The following SLC24A3 variants were observed in gnomAD, a reference collection of about 807,000 sequenced individuals.
The protein encoded by SLC24A3 is sodium/potassium/calcium exchanger 3.
In SLC24A3, 28 loss-of-function variants were observed where a neutral mutation model predicts 75.8. The ratio of observed to expected loss-of-function variants is 0.37; its 90% CI spans 0.27 to 0.51. The LOEUF (loss-of-function observed/expected upper bound fraction) is 0.51, where lower values mean the gene tolerates loss of function less well. Among genes scored for constraint, SLC24A3 ranks in the 20% least tolerant of loss-of-function variants. The pLI, the probability that SLC24A3 is intolerant of heterozygous loss-of-function variation, is 0.94. For synonymous variants in SLC24A3, 372 were observed against 334.1 expected, an observed-to-expected ratio of 1.11 and a Z score of -1.24; for missense variants, 663 against 847.8, an observed-to-expected ratio of 0.78 and a Z score of 2.71.
intron 3 of SLC24A3, among the ~76,000 whole-genome samples, chr20:19,516,244 TC>T (rs2029985766): frequency 6.6e-6 from 1 of 152,206 alleles, no homozygotes; most frequent in Non-Finnish European, 1.5e-5. Context: ...GGTCCTCTTG[TC>T]CCCATTTGGA....
At chr20:19,410,516 T>C (rs561875120) in intron 2 of SLC24A3, among the ~76,000 whole-genome samples, 2 of 152,166 alleles carry the variant, frequency 1.3e-5, no homozygotes, top group African/African-American at 4.8e-5. Context: ...ACAATAAGTA[T>C]GTATCAGATC....
chr20:19,610,881 C>T (rs971391731), intron 6 of SLC24A3, among the ~76,000 whole-genome samples: 26 of 152,316 alleles, frequency 1.7e-4, no homozygotes, highest in African/African-American at 5.8e-4. Context: ...GCTCGGGCCA[C>T]CAGGGCACTT....
intron 2 of SLC24A3, among the ~76,000 whole-genome samples, chr20:19,513,485 C>G (rs1391542138): frequency 6.6e-6 from 1 of 152,234 alleles, no homozygotes; most frequent in African/African-American, 2.4e-5. Flanking sequence ...TGTCATCCCT[C>G]TGCCCCTCAC....
chr20:19,334,598 C>T (rs752338921), intron 2 of SLC24A3, among the ~76,000 whole-genome samples: 5 of 152,084 alleles, frequency 3.3e-5, no homozygotes, highest in Non-Finnish European at 5.9e-5. Context: ...TTGTGAACTA[C>T]CAGTGAAGTT....
At chr20:19,609,146 G>C (rs2031638759) in intron 6 of SLC24A3, among the ~76,000 whole-genome samples, 1 of 152,146 alleles carries the variant, frequency 6.6e-6, no homozygotes, top group African/African-American at 2.4e-5. Flanking sequence ...TGGAAAACTT[G>C]ATGAAACTCT....
At chr20:19,676,805 T>C (rs964512051) in intron 9 of SLC24A3, among the ~76,000 whole-genome samples, 4 of 152,318 alleles carry the variant, frequency 2.6e-5, no homozygotes, top group Non-Finnish European at 5.9e-5. Context: ...CCCAGGTCAC[T>C]GCTCTAGGAT....
At chr20:19,648,164 G>A (rs1011206353) in intron 6 of SLC24A3, among the ~76,000 whole-genome samples, 1 of 152,166 alleles carries the variant, frequency 6.6e-6, no homozygotes, top group South Asian at 2.1e-4. Context: ...TGCCCTGTGG[G>A]AGGAAAAACC....
At chr20:19,585,224 AG>A (rs2031278567) in intron 5 of SLC24A3, among the ~76,000 whole-genome samples, 169 bp downstream of exon 5, 1 of 152,140 alleles carries the variant, frequency 6.6e-6, no homozygotes, top group African/African-American at 2.4e-5. Flanking sequence ...GTTTTATTTA[AG>A]TGATGCTTTT....
chr20:19,338,164 A>T (rs760770219), intron 2 of SLC24A3, among the ~76,000 whole-genome samples: 1 of 152,220 alleles, frequency 6.6e-6, no homozygotes, highest in Non-Finnish European at 1.5e-5. Flanking sequence ...AGAAGCTATT[A>T]AATAAAGCTT....
intron 9 of SLC24A3, among the ~76,000 whole-genome samples, chr20:19,681,075 G>C (rs920354034): frequency 6.6e-6 from 1 of 152,162 alleles, no homozygotes; most frequent in Non-Finnish European, 1.5e-5. Flanking sequence ...AGTTTTCTAG[G>C]ATTCCTCTGT....
chr20:19,223,331 T>C (rs1453699046), intron 1 of SLC24A3, among the ~76,000 whole-genome samples: 1 of 152,146 alleles, frequency 6.6e-6, no homozygotes, highest in Non-Finnish European at 1.5e-5. Flanking sequence ...CAGAGACATC[T>C]CTTACACATT....
intron 2 of SLC24A3, among the ~76,000 whole-genome samples, chr20:19,456,670 A>G (rs1056944060): frequency 6.6e-6 from 1 of 152,230 alleles, no homozygotes; most frequent in South Asian, 2.1e-4. Context: ...CCAGGCTGTC[A>G]CTTCACTGCC....
chr20:19,684,234 A>G lies in SLC24A3; in HGVS notation c.960A>G (p.Pro320=), dbSNP rs2032647238. 6.2e-7 allele frequency: 1 copy of G among 1,614,040 alleles called. No individual in the cohort carries two copies. Among genetic ancestry groups the G allele is most frequent in the Non-Finnish European group, 8.5e-7 (1 of 1,180,032 alleles). ...TAGACGAGCTGCTGTCAGCCTACCC[A>G]CACCAGCTTTCCTTCTCTGAGGCTG... is the stretch of plus-strand genomic sequence containing the variant. ...IMVDELLSAY[P]HQLSFSEAGL... The change falls in exon 11 of 17, where the codon CCA becomes CCG. Residue 320 remains proline (P), a synonymous_variant. Coordinates refer to ENST00000328041, the MANE Select transcript of SLC24A3 (RefSeq NM_020689.4).
chr20:19,448,642 C>T (rs1041820510), intron 2 of SLC24A3, among the ~76,000 whole-genome samples: 2 of 152,218 alleles, frequency 1.3e-5, no homozygotes, highest in African/African-American at 4.8e-5. Context: ...ACAGTCATGG[C>T]TGGAGGTATG....
rs140552207 is a variant in SLC24A3, at chr20:19,669,639, A to G, written c.713+3750A>G. Among the ~76,000 whole-genome samples, 873 of 152,324 alleles carry G rather than the reference A, an allele frequency of 5.7e-3. 8 individuals carry two copies. The highest frequency in any genetic ancestry group is 0.019 in the African/African-American group (805 of 41,574). On this transcript the variant is annotated intron_variant, in intron 8 of 16. Transcript: ENST00000328041. Reference sequence around the variant, plus strand: ...AGTCTGAAGGCCCAACAAGAAAACTAAAGAACGCAGGGCGATGGTTTGGTT... The same window carrying G: ...AGTCTGAAGGCCCAACAAGAAAACTGAAGAACGCAGGGCGATGGTTTGGTT...
intron 1 of SLC24A3, among the ~76,000 whole-genome samples, chr20:19,268,646 A>G (rs1015523243): frequency 2.0e-5 from 3 of 152,230 alleles, no homozygotes; most frequent in Non-Finnish European, 4.4e-5. Flanking sequence ...TTCTGCTATC[A>G]TAAGTCCATG....
At chr20:19,622,032 A>C (rs1022685484) in intron 6 of SLC24A3, among the ~76,000 whole-genome samples, 3 of 152,130 alleles carry the variant, frequency 2.0e-5, no homozygotes, top group Admixed American at 1.3e-4. Context: ...GGTTCTGAGG[A>C]GCTCTCCTTA....
At position 19,473,501 on chromosome 20, in the gene SLC24A3, G is replaced by A. The variant is rs917661951; in HGVS notation, c.272-41987G>A. 4.6e-5 allele frequency among the ~76,000 whole-genome samples: 7 copies of A among 152,250 alleles called. No individual in the cohort carries two copies. The South Asian group carries it at 6.2e-4, about 13-fold the overall frequency. ...CGCCTTGAGCACTTACTGGAACTAC[G>A]TTAAGCCCTTTCTGTAGCTTTCTTT... On this transcript the variant is annotated intron_variant, in intron 2 of 16. Transcript: ENST00000328041.
chr20:19,248,752 G>A (rs568406204), intron 1 of SLC24A3, among the ~76,000 whole-genome samples: 1 of 152,110 alleles, frequency 6.6e-6, no homozygotes, highest in Admixed American at 6.5e-5. Context: ...CAACCAAAGC[G>A]TCCATCGACA....
Sources: allele counts gnomAD v4.1 joint callset (sites outside exome capture counted in the v4.1 genomes callset), GRCh38; gene constraint gnomAD v4.1.1; transcripts MANE v1.5; gene names NCBI Gene and HGNC (gene_info 2026-07-23, HGNC 2026-07-21).